Variants in FOCAD observed in about 807,000 individuals in gnomAD.
The protein encoded by FOCAD is KIAA1797.
A neutral mutation model predicts 225.6 loss-of-function variants in FOCAD; 198 were observed. The ratio of observed to expected loss-of-function variants is 0.88; its 90% confidence interval spans 0.78 to 0.99. FOCAD has a LOEUF of 0.99. Among genes scored for constraint, FOCAD ranks in the 50% least tolerant of loss-of-function variants. The probability of loss-of-function intolerance (pLI) is 0.00; values close to 1 mark genes in which losing one functional copy is unlikely to be tolerated. For synonymous variants in FOCAD, 897 were observed against 755.0 expected, an observed-to-expected ratio of 1.19 and a Z score of -3.08; for missense variants, 2,713 against 2,123.6, an observed-to-expected ratio of 1.28 and a Z score of -5.46.
intron 1 of FOCAD, among the ~76,000 whole-genome samples, chr9:20,714,600 A>T (rs570109973): frequency 3.7e-4 from 27 of 72,620 alleles, no homozygotes; most frequent in African/African-American, 1.4e-3. Context: ...ATCCTTTTGC[A>T]TGCTTGCCTG....
intron 11 of FOCAD, among the ~76,000 whole-genome samples, chr9:20,808,282 T>C (rs965185331): frequency 6.6e-6 from 1 of 152,204 alleles, no homozygotes; most frequent in African/African-American, 2.4e-5. Context: ...TTTTCAGTTA[T>C]TGGTAAGTTC....
chr9:20,890,055 A>G (rs900450522), intron 21 of FOCAD, among the ~76,000 whole-genome samples: 3 of 151,878 alleles, frequency 2.0e-5, no homozygotes, highest in Non-Finnish European at 2.9e-5. Context: ...ACCTTACTAA[A>G]CCAACTTATA....
chr9:20,910,586 CA>C (rs1833357383), intron 22 of FOCAD, among the ~76,000 whole-genome samples: 1 of 151,964 alleles, frequency 6.6e-6, no homozygotes, highest in Non-Finnish European at 1.5e-5. Context: ...GATTAAAAAT[CA>C]GAGGGGATAG....
chr9:20,954,926 G>C (rs910308158), intron 35 of FOCAD, among the ~76,000 whole-genome samples: 10 of 152,300 alleles, frequency 6.6e-5, no homozygotes, highest in Non-Finnish European at 1.2e-4. Context: ...TGCTCTGTGG[G>C]GCTAAATGGG....
At chr9:20,680,638 C>G (rs920237517), upstream of FOCAD, among the ~76,000 whole-genome samples, 1 of 152,070 alleles carries the variant, frequency 6.6e-6, no homozygotes, top group Non-Finnish European at 1.5e-5. Context: ...GAGGATAGGA[C>G]TAGGAGTCAG....
At chr9:20,883,687 G>C (rs7045896) in intron 20 of FOCAD, among the ~76,000 whole-genome samples, 35,413 of 152,156 alleles carry the variant, frequency 0.23, 4,145 homozygotes, top group Non-Finnish European at 0.25. Flanking sequence ...GAAATGAGAA[G>C]ATAGTTTGAA....
At chr9:20,855,482 A>C (rs1242544474) in intron 15 of FOCAD, among the ~76,000 whole-genome samples, 1 of 151,626 alleles carries the variant, frequency 6.6e-6, no homozygotes, top group Admixed American at 6.6e-5. Context: ...ATGAGTACAT[A>C]ATAGTTGTAT....
At chr9:20,864,587 A>G (rs572791633) in intron 16 of FOCAD, among the ~76,000 whole-genome samples, 2 of 152,170 alleles carry the variant, frequency 1.3e-5, no homozygotes, top group African/African-American at 4.8e-5. Flanking sequence ...AAAGTTCTTT[A>G]TACTGTTCTA....
intron 28 of FOCAD, 50 bp downstream of exon 28, chr9:20,933,153 A>G (rs1244714603): frequency 7.9e-7 from 1 of 1,261,184 alleles, no homozygotes; most frequent in South Asian, 1.2e-5. Flanking sequence ...ATTGCTCCCT[A>G]CACTGCCATA....
chr9:20,965,450 C>T (rs1369995587), intron 35 of FOCAD, among the ~76,000 whole-genome samples: 2 of 152,118 alleles, frequency 1.3e-5, no homozygotes, highest in Non-Finnish European at 2.9e-5. Context: ...TTTTCAGGGG[C>T]TGCATGGTAT....
At chr9:20,790,270 T>C (rs773846133) in intron 11 of FOCAD, among the ~76,000 whole-genome samples, 5 of 152,172 alleles carry the variant, frequency 3.3e-5, no homozygotes, top group Non-Finnish European at 7.4e-5. Flanking sequence ...TTTTCTCCAA[T>C]TGATAGAATC....
At chr9:20,762,829 C>A (rs1379211160) in intron 6 of FOCAD, among the ~76,000 whole-genome samples, 3 of 152,070 alleles carry the variant, frequency 2.0e-5, no homozygotes, top group African/African-American at 4.8e-5. Context: ...TCCTTCCCAC[C>A]CTCTGTTTGG....
At chr9:20,874,258 C>T (rs1008810816) in intron 18 of FOCAD, 4 of 160,980 alleles carry the variant, frequency 2.5e-5, no homozygotes, top group African/African-American at 9.6e-5. Flanking sequence ...CTGTCATGGA[C>T]ATATGACTAG....
chr9:20,696,801 TTATAA>T (rs1823406704), intron 1 of FOCAD, among the ~76,000 whole-genome samples: 2 of 151,856 alleles, frequency 1.3e-5, no homozygotes, highest in Non-Finnish European at 2.9e-5. Context: ...AGACTCTATC[TTATAA>T]TAATAATAAT....
At chr9:20,956,932 G>C (rs1362301991) in intron 35 of FOCAD, among the ~76,000 whole-genome samples, 1 of 152,086 alleles carries the variant, frequency 6.6e-6, no homozygotes, top group Non-Finnish European at 1.5e-5. Flanking sequence ...GACCTCAGGT[G>C]ATCCGCCTGC....
intron 35 of FOCAD, among the ~76,000 whole-genome samples, chr9:20,955,732 C>A (rs1838080244): frequency 6.6e-6 from 1 of 152,092 alleles, no homozygotes; most frequent in African/African-American, 2.4e-5. Context: ...GAACCTCTGA[C>A]TTTTGACTTT....
intron 15 of FOCAD, among the ~76,000 whole-genome samples, chr9:20,835,770 A>G (rs1436536598): frequency 6.6e-6 from 1 of 152,076 alleles, no homozygotes; most frequent in Non-Finnish European, 1.5e-5. Flanking sequence ...TTTCCTAATC[A>G]GCTGTGAGTC....
At chr9:20,818,760 T>A (rs1587290642) in intron 11 of FOCAD, among the ~76,000 whole-genome samples, 1 of 152,158 alleles carries the variant, frequency 6.6e-6, no homozygotes, top group East Asian at 1.9e-4. Flanking sequence ...CATACAGTTT[T>A]GATTACTTTA....
chr9:20,949,715 TC>T (rs1402958996), intron 33 of FOCAD, 40 bp downstream of exon 33: 20 of 1,470,450 alleles, frequency 1.4e-5, no homozygotes, highest in Non-Finnish European at 1.9e-5. Context: ...GGAAAACATA[TC>T]CCCCTTTGTT....
Sources: gnomAD v4.1 joint callset for allele counts (sites outside exome capture counted in the v4.1 genomes callset) on GRCh38, gnomAD v4.1.1 for gene constraint, MANE v1.5 for transcripts, NCBI Gene and HGNC (gene_info 2026-07-23, HGNC 2026-07-21) for gene names.